Variants in CHD7 observed in about 807,000 individuals in gnomAD.
The protein encoded by CHD7 is chromodomain helicase DNA binding protein 7.
In CHD7, 24 loss-of-function variants were observed where a neutral mutation model predicts 307.3. The observed-to-expected ratio is 0.08, with a 90% CI of 0.06 to 0.11. The LOEUF (loss-of-function observed/expected upper bound fraction) is 0.11. CHD7 is among the 10% of genes least tolerant of loss of function. CHD7 has a pLI of 1.00. For missense variants in CHD7, 3,106 were observed against 3,727.1 expected, an observed-to-expected ratio of 0.83 and a Z score of 4.34; for synonymous variants, 1,363 against 1,349.9, an observed-to-expected ratio of 1.01 and a Z score of -0.21.
chr8:60,839,727 A>G (rs11988186), intron 19 of CHD7, among the ~76,000 whole-genome samples: 2,597 of 152,204 alleles, frequency 0.017, 62 homozygotes, highest in African/African-American at 0.06. Flanking sequence ...TATTGGCCAG[A>G]TGTAGATCAT....
At chr8:60,829,467 G>A (rs1347155334) in intron 14 of CHD7, among the ~76,000 whole-genome samples, 1 of 152,154 alleles carries the variant, frequency 6.6e-6, no homozygotes, top group Admixed American at 6.6e-5. Context: ...CGGGCGTGGT[G>A]GAACACGCCT....
intron 7 of CHD7, among the ~76,000 whole-genome samples, chr8:60,814,005 GTAGGGCC>G (rs1251855659): frequency 2.0e-5 from 3 of 152,030 alleles, no homozygotes; most frequent in African/African-American, 7.2e-5. Flanking sequence ...TGTATTATCT[GTAGGGCC>G]TAGTTCAGAT....
At chr8:60,811,024 TCTAA>T (rs2150729617) in intron 7 of CHD7, among the ~76,000 whole-genome samples, 1 of 152,312 alleles carries the variant, frequency 6.6e-6, no homozygotes, top group Non-Finnish European at 1.5e-5. Flanking sequence ...CTTATGAGAA[TCTAA>T]CTAATGCCTG....
At chr8:60,729,918 G>A (rs546365685) in intron 1 of CHD7, among the ~76,000 whole-genome samples, 5 of 152,242 alleles carry the variant, frequency 3.3e-5, no homozygotes, top group Admixed American at 2.0e-4. Flanking sequence ...TTACTTACAA[G>A]TTAGATTGCT....
chr8:60,845,025 C>T lies in CHD7; in HGVS notation c.5012C>T (p.Thr1671Ile), dbSNP rs1477841225. ...KSFIWDLITPTADGQTRALVN... is the reference protein window; with the variant it reads ...KSFIWDLITPIADGQTRALVN... The stretch of plus-strand genomic sequence containing the variant: ...TTCATCTGGGATCTGATCACACCCA[C>T]AGCGGATGGCCAGACTCGAGCCTTG... Residue 1671 changes from threonine (T) to isoleucine (I), a missense_variant, in exon 22 of 38, where the codon ACA (threonine) becomes ATA (isoleucine). Physicochemically the swap from Thr to Ile is moderately conservative, Grantham distance 89. Around this residue, in one of 10 missense-constraint regions of CHD7, gnomAD observed 28 missense variants for 64.7 expected, o/e 0.43. Coordinates refer to ENST00000423902, the MANE Select transcript of CHD7 (RefSeq NM_017780.4). 6.2e-7 allele frequency: 1 copy of T among 1,613,988 alleles called. No individual in the cohort carries two copies. Among genetic ancestry groups the T allele is most frequent in the South Asian group, 1.1e-5 (1 of 91,082 alleles).
chr8:60,739,791 T>C (rs1267238959), intron 1 of CHD7, among the ~76,000 whole-genome samples: 1 of 152,208 alleles, frequency 6.6e-6, no homozygotes, highest in Admixed American at 6.5e-5. Flanking sequence ...ACTGGTAAGT[T>C]CTCAGGAGTG....
chr8:60,862,814 C>A, intron 37 of CHD7, 162 bp downstream of exon 37: 1 of 580,690 alleles, frequency 1.7e-6, no homozygotes, highest in Non-Finnish European at 3.1e-6. Flanking sequence ...ATCATTAATA[C>A]ATCATTAATC....
At chr8:60,736,362 T>A (rs979953816) in intron 1 of CHD7, among the ~76,000 whole-genome samples, 5 of 152,164 alleles carry the variant, frequency 3.3e-5, no homozygotes, top group Non-Finnish European at 7.4e-5. Flanking sequence ...TCACTTTGAG[T>A]GGAAGCTCAG....
chr8:60,781,521 G>A, intron 3 of CHD7, 91 bp downstream of exon 3: 1 of 1,418,208 alleles, frequency 7.1e-7, no homozygotes, highest in African/African-American at 1.5e-5. Flanking sequence ...AGGGGTGGGA[G>A]GGGACACAAT....
chr8:60,865,975 G>A lies in CHD7; in HGVS notation c.*42G>A, dbSNP rs1231653122. On this transcript the variant is annotated 3_prime_UTR_variant, in exon 38 of 38. Coordinates refer to ENST00000423902, the MANE Select transcript of CHD7 (RefSeq NM_017780.4). This position sits in a 1 kb window ranked among gnomAD's most constrained non-coding sequence, Gnocchi z 4.3. ...TTCAAGTGTTTAAAACTTTTGACAAGTGGTAGTCCTACTGTTTACACTCAC... is the reference window on the plus strand; with the variant it reads ...TTCAAGTGTTTAAAACTTTTGACAAATGGTAGTCCTACTGTTTACACTCAC... 6.7e-7 allele frequency: 1 copy of A among 1,499,614 alleles called. No individual in the cohort carries two copies. Among genetic ancestry groups the A allele is most frequent in the African/African-American group, 1.4e-5 (1 of 72,264 alleles). The allele number at this position is 1,499,614 out of a possible 1,614,324, so 92.9% of individuals were successfully genotyped here. A position where few individuals can be genotyped will look rare whatever the true frequency, so the allele number is the denominator to read the frequency against.
chr8:60,855,898 T>A (rs1363748861), intron 32 of CHD7, 77 bp from the exon 33 acceptor site: 11 of 945,292 alleles, frequency 1.2e-5, no homozygotes, highest in Non-Finnish European at 1.8e-5. Flanking sequence ...CTCTTTTGCA[T>A]CTTGATGGAT....
chr8:60,835,514 C>T (rs1017008917), intron 15 of CHD7, among the ~76,000 whole-genome samples: 1 of 152,140 alleles, frequency 6.6e-6, no homozygotes, highest in Non-Finnish European at 1.5e-5. Flanking sequence ...CTTAGGTCCC[C>T]CACAAATATT....
intron 2 of CHD7, among the ~76,000 whole-genome samples, chr8:60,745,485 G>A (rs1809277282): frequency 6.8e-6 from 1 of 147,068 alleles, no homozygotes; most frequent in Admixed American, 6.9e-5. Flanking sequence ...TCCGGTGCTA[G>A]ACTTCAGGAG....
At chr8:60,812,392 C>G (rs1812853125) in intron 7 of CHD7, among the ~76,000 whole-genome samples, 1 of 152,150 alleles carries the variant, frequency 6.6e-6, no homozygotes, top group Admixed American at 6.5e-5. Flanking sequence ...TGGCCAGGCA[C>G]AGTGGCTCAT....
chr8:60,849,177 T>C, intron 25 of CHD7, 23 bp downstream of exon 25: 1 of 1,449,284 alleles, frequency 6.9e-7, no homozygotes, highest in Non-Finnish European at 9.7e-7. Context: ...TCTGTTTGAA[T>C]ACATCTCAAC....
chr8:60,836,564 T>C (rs2150776358), intron 16 of CHD7, among the ~76,000 whole-genome samples: 1 of 152,356 alleles, frequency 6.6e-6, no homozygotes, highest in East Asian at 1.9e-4. Flanking sequence ...GTTATCTTAC[T>C]GTTATAGGTG....
rs1182962546 is a variant in CHD7, at chr8:60,824,026, C to T, written c.3378+10C>T. ...CAAGATGATGGACTTGGTCAGTGAC[C>T]ATATTGGTGATTGCACTGAACCTGA... is the stretch of plus-strand genomic sequence containing the variant. On this transcript the variant is annotated intron_variant, in intron 13 of 37. Transcript: ENST00000423902. 1 of 1,608,858 alleles carries T rather than the reference C, an allele frequency of 6.2e-7. No homozygotes were observed. The highest frequency in any genetic ancestry group is 1.7e-5 in the Admixed American group (1 of 59,794).
chr8:60,837,026 A>G lies in CHD7; in HGVS notation c.4185+14A>G. 2 of 1,595,822 alleles carry G rather than the reference A, an allele frequency of 1.3e-6. No individual in the cohort carries two copies. The highest frequency in any genetic ancestry group is 1.7e-6 in the Non-Finnish European group (2 of 1,166,990). The stretch of plus-strand genomic sequence containing the variant: ...AATGACCTCCAGGTAAATGCACAAG[A>G]AAGTCCTGATGCCTTTAAAAAGGAA... On this transcript the variant is annotated intron_variant, in intron 17 of 37. Transcript: ENST00000423902.
chr8:60,706,397 T>G (rs1586189472), intron 1 of CHD7, among the ~76,000 whole-genome samples: 1 of 152,220 alleles, frequency 6.6e-6, no homozygotes, highest in African/African-American at 2.4e-5. Flanking sequence ...CCATGAAATA[T>G]TTTTGTGCTT....
Sources: gnomAD v4.1 joint callset for allele counts (sites outside exome capture counted in the v4.1 genomes callset) on GRCh38, gnomAD v4.1.1 for gene constraint, gnomAD v4.1.1 regional missense constraint, Gnocchi (gnomAD v3.1) non-coding constraint, MANE v1.5 for transcripts, NCBI Gene and HGNC (gene_info 2026-07-23, HGNC 2026-07-21) for gene names.